The following PTK2B variants were observed in gnomAD, a reference collection of about 807,000 sequenced individuals.
PTK2B encodes protein-tyrosine kinase 2-beta.
A neutral mutation model predicts 142.9 loss-of-function variants in PTK2B; 71 were observed. The ratio of observed to expected loss-of-function variants is 0.50; its 90% CI spans 0.41 to 0.61. The LOEUF (loss-of-function observed/expected upper bound fraction) is 0.61, where lower values mean the gene tolerates loss of function less well. Ranked by LOEUF, PTK2B falls within the 20% of genes least tolerant of loss-of-function variation. The pLI is 0.00. For synonymous variants in PTK2B, 519 were observed against 503.4 expected, an observed-to-expected ratio of 1.03 and a Z score of -0.42; for missense variants, 1,105 against 1,320.4, an observed-to-expected ratio of 0.84 and a Z score of 2.53.
chr8:27,404,562 TTGGGCATTG>T (rs1185578312), intron 2 of PTK2B, among the ~76,000 whole-genome samples: 1 of 152,118 alleles, frequency 6.6e-6, no homozygotes, highest in Non-Finnish European at 1.5e-5. Flanking sequence ...AGGGGTGGCC[TTGGGCATTG>T]CTTGCCTGGT....
At chr8:27,347,861 C>T (rs980142986) in intron 1 of PTK2B, among the ~76,000 whole-genome samples, 41 of 152,182 alleles carry the variant, frequency 2.7e-4, no homozygotes, top group African/African-American at 9.7e-4. Flanking sequence ...CATTTGACCC[C>T]ACTACCTCTT....
chr8:27,440,198 T>C, intron 20 of PTK2B, 39 bp from the exon 21 acceptor site: 1 of 1,598,718 alleles, frequency 6.3e-7, no homozygotes, highest in Non-Finnish European at 8.6e-7. Flanking sequence ...GAGGGACTGG[T>C]CTCCCCCACC....
At chr8:27,450,079 C>T (rs571292367) in intron 24 of PTK2B, among the ~76,000 whole-genome samples, 4 of 152,266 alleles carry the variant, frequency 2.6e-5, no homozygotes, top group South Asian at 2.1e-4. Context: ...ATGCATTTCT[C>T]CTAACATTTA....
At chr8:27,332,309 T>TC (rs2130854296) in intron 1 of PTK2B, among the ~76,000 whole-genome samples, 1 of 152,326 alleles carries the variant, frequency 6.6e-6, no homozygotes, top group Non-Finnish European at 1.5e-5. Context: ...TGGTACTGCC[T>TC]CCCTAATAGG....
intron 1 of PTK2B, among the ~76,000 whole-genome samples, chr8:27,353,696 C>T (rs777418900): frequency 4.6e-5 from 7 of 152,146 alleles, no homozygotes; most frequent in African/African-American, 1.2e-4. Context: ...TCAGGAGGCA[C>T]GATTTCTACT....
At chr8:27,342,720 ACT>A (rs1443394715) in intron 1 of PTK2B, among the ~76,000 whole-genome samples, 2 of 151,154 alleles carry the variant, frequency 1.3e-5, no homozygotes, top group Non-Finnish European at 3.0e-5. Context: ...CTTCTTCCTG[ACT>A]CTGTTAGGAC....
At chr8:27,338,739 A>G (rs1381186787) in intron 1 of PTK2B, among the ~76,000 whole-genome samples, 1 of 152,250 alleles carries the variant, frequency 6.6e-6, no homozygotes, top group South Asian at 2.1e-4. Flanking sequence ...GCAACCCATA[A>G]CATGAAAGAT....
At chr8:27,359,694 G>A (rs375877188) in intron 1 of PTK2B, among the ~76,000 whole-genome samples, 3 of 152,154 alleles carry the variant, frequency 2.0e-5, no homozygotes, top group Non-Finnish European at 4.4e-5. Flanking sequence ...CTGCATGTAA[G>A]TAGAATGACA....
intron 1 of PTK2B, among the ~76,000 whole-genome samples, chr8:27,351,364 G>C (rs902328631): frequency 2.0e-5 from 3 of 151,844 alleles, no homozygotes; most frequent in Non-Finnish European, 4.4e-5. Flanking sequence ...TGAGAAAATG[G>C]TCTCCAAGAT....
intron 1 of PTK2B, among the ~76,000 whole-genome samples, chr8:27,328,831 C>G (rs996006511): frequency 1.3e-4 from 20 of 152,288 alleles, no homozygotes; most frequent in African/African-American, 3.9e-4. Flanking sequence ...GCAGGTCGTT[C>G]AGAAGGCATA....
At chr8:27,430,234 C>G in intron 6 of PTK2B, 79 bp downstream of exon 6, 6 of 1,576,450 alleles carry the variant, frequency 3.8e-6, no homozygotes, top group Non-Finnish European at 5.2e-6. Flanking sequence ...CTCCTCCACC[C>G]CTCCCCAGAC....
Position 27,434,098 on chromosome 8 carries a change from G to A in PTK2B, c.1111G>A (p.Glu371Lys), listed in dbSNP as rs1426549825. 6.2e-7 allele frequency: 1 copy of A among 1,614,110 alleles called. No individual in the cohort carries two copies. The highest frequency in any genetic ancestry group is 1.7e-5 in the Admixed American group (1 of 60,028). The change falls in exon 12 of 31, where the codon GAG becomes AAG. Residue 371 changes from glutamate (E) to lysine (K), a missense_variant. Glu to Lys is a moderately conservative substitution (Grantham distance 56). Transcript: ENST00000346049. ...SLIIHPRKDGEKRNSLPQIPM... is the reference protein window; with the variant it reads ...SLIIHPRKDGKKRNSLPQIPM... Reference sequence around the variant, plus strand: ...CCTTCCTCCTCTCTTCCTAGATGGTGAGAAGCGGAACAGCCTGCCCCAGAT... The same window carrying A: ...CCTTCCTCCTCTCTTCCTAGATGGTAAGAAGCGGAACAGCCTGCCCCAGAT...
chr8:27,436,206 AC>A (rs1179772694), intron 14 of PTK2B, 44 bp from the exon 15 acceptor site: 3 of 1,590,324 alleles, frequency 1.9e-6, no homozygotes, highest in Non-Finnish European at 2.6e-6. Context: ...CCTAGGGGAT[AC>A]CACCGATCTC....
At chr8:27,438,775 G>A (rs536243583) in intron 18 of PTK2B, among the ~76,000 whole-genome samples, 12 of 152,270 alleles carry the variant, frequency 7.9e-5, no homozygotes, top group African/African-American at 2.9e-4. Context: ...GAGCCCAACA[G>A]CAAGAGGGAA....
At position 27,388,936 on chromosome 8, in the gene PTK2B, T is replaced by C. The variant is rs190577460; in HGVS notation, c.-37-8612T>C. ...AGCAGATTGCCACCTTCTGGTCTCA[T>C]TTCCCAATGACCCCTCACCCACCCT... On this transcript the variant is annotated intron_variant, in intron 1 of 30. Transcript: ENST00000346049. Among the ~76,000 whole-genome samples the C allele has an allele frequency of 3.3e-5, 5 of 152,294 alleles. No homozygotes were observed. The East Asian group carries it at 9.6e-4, about 29-fold the overall frequency.
At chr8:27,422,552 T>C (rs554424814) in intron 5 of PTK2B, among the ~76,000 whole-genome samples, 169 bp downstream of exon 5, 137 of 152,266 alleles carry the variant, frequency 9.0e-4, no homozygotes, top group African/African-American at 3.2e-3. Context: ...TGTTGGGTCT[T>C]CAGGATGGCA....
chr8:27,324,079 C>T (rs1004174419), upstream of PTK2B, among the ~76,000 whole-genome samples: 3 of 152,218 alleles, frequency 2.0e-5, no homozygotes, highest in African/African-American at 7.2e-5. Context: ...CGCAAGAATA[C>T]GGAGGGGACA....
intron 1 of PTK2B, among the ~76,000 whole-genome samples, chr8:27,331,044 T>C (rs1803715798): frequency 6.6e-6 from 1 of 152,166 alleles, no homozygotes; most frequent in Admixed American, 6.5e-5. Flanking sequence ...CTCTCTTCCT[T>C]TTATGTTCTG....
At chr8:27,355,449 G>A (rs1232025869) in intron 1 of PTK2B, among the ~76,000 whole-genome samples, 1 of 152,112 alleles carries the variant, frequency 6.6e-6, no homozygotes. Context: ...CAAGAAGAAG[G>A]ATTCTCCCCT....
Sources: allele counts gnomAD v4.1 joint callset (sites outside exome capture counted in the v4.1 genomes callset), GRCh38; gene constraint gnomAD v4.1.1; transcripts MANE v1.5; gene names NCBI Gene and HGNC (gene_info 2026-07-23, HGNC 2026-07-21).